ZNF24: variants seen among roughly 807,000 people sequenced by gnomAD.
The protein encoded by ZNF24 is zinc finger protein 24.
In ZNF24, 11 loss-of-function variants were observed where a neutral mutation model predicts 40.9. The observed-to-expected ratio is 0.27, with a 90% CI of 0.17 to 0.45. ZNF24 has a LOEUF of 0.45. ZNF24 is among the 20% of genes least tolerant of loss of function. The probability of loss-of-function intolerance (pLI) is 1.00; values close to 1 mark genes in which losing one functional copy is unlikely to be tolerated. For missense variants in ZNF24, 293 were observed against 437.7 expected (o/e 0.67, Z 2.95); for synonymous variants, 139 against 154.7 (o/e 0.90, Z 0.75).
intron 1 of ZNF24, chr18:35,343,676 G>T (rs1044786467): frequency 6.6e-6 from 1 of 152,172 alleles, no homozygotes; most frequent in Non-Finnish European, 1.5e-5. Context: ...CCTATTCCAA[G>T]ACCCTGCTTA....
chr18:35,337,689 C>T lies in ZNF24; in HGVS notation c.650G>A (p.Gly217Asp). The change falls in exon 4 of 4, where the codon GGC (glycine) becomes GAC (aspartate). Residue 217 changes from glycine (G) to aspartate (D), a missense_variant. Physicochemically the swap from Gly to Asp is moderately conservative, Grantham distance 94. Coordinates refer to ENST00000261332, the MANE Select transcript of ZNF24 (RefSeq NM_006965.4). ...PSALESHEVP[G>D]TLNMGVPQIF... ...TTGAGGAACACCCATATTGAGAGTG[C>T]CAGGAACTTCATGGGATTCTAATGC... is the stretch of plus-strand genomic sequence containing the variant. 6.2e-7 allele frequency: 1 copy of T among 1,613,082 alleles called. No homozygotes were observed. Among genetic ancestry groups the T allele is most frequent in the Non-Finnish European group, 8.5e-7 (1 of 1,179,874 alleles).
At position 35,337,212 on chromosome 18, in the gene ZNF24, C is replaced by CA. The variant is rs1569102199; in HGVS notation, c.*19_*20insT. ...GAAGAAAAAGACCTGAGTGCTGATT[C>CA]TTTTTTTTTTTTCAATTTCTTAAAC... is the stretch of plus-strand genomic sequence containing the variant. On this transcript the variant is annotated 3_prime_UTR_variant, in exon 4 of 4. Coordinates refer to ENST00000261332, the MANE Select transcript of ZNF24 (RefSeq NM_006965.4). 1.4e-6 allele frequency: 1 copy of CA among 698,690 alleles called. No individual in the cohort carries two copies. 43.3% of individuals were successfully genotyped at this position (698,690 alleles called of 1,614,324 possible).
At chr18:35,344,332 C>G (rs963645607) in intron 1 of ZNF24, 28 bp downstream of exon 1, 1 of 152,328 alleles carries the variant, frequency 6.6e-6, no homozygotes, top group East Asian at 1.9e-4. Flanking sequence ...CGGTGTCCCC[C>G]CTCCCTCTCA....
At chr18:35,343,004 A>G (rs1486240825) in intron 1 of ZNF24, among the ~76,000 whole-genome samples, 1 of 152,208 alleles carries the variant, frequency 6.6e-6, no homozygotes, top group Non-Finnish European at 1.5e-5. Flanking sequence ...CCTGACACAC[A>G]CAAGTCAACT....
rs981355448 is a variant in ZNF24, at chr18:35,333,013, C to T, written c.*4219G>A. On this transcript the variant is annotated 3_prime_UTR_variant, in exon 4 of 4. Coordinates refer to ENST00000261332, the MANE Select transcript of ZNF24 (RefSeq NM_006965.4). ...GGTTATATGGGGAAATGAACATTCT[C>T]CATACACTTGGTGAAAATACAGTTA... is the stretch of plus-strand genomic sequence containing the variant. 2.6e-5 allele frequency: 4 copies of T among 152,054 alleles called. No individual in the cohort carries two copies. The highest frequency in any genetic ancestry group is 9.7e-5 in the African/African-American group (4 of 41,406). The allele number at this position is 152,054 out of a possible 1,614,324, so 9.4% of individuals were successfully genotyped here.
In ZNF24 at chr18:35,336,080, A is replaced by G. The variant is rs1481048071; in HGVS notation, c.*1152T>C. Reference sequence around the variant, plus strand: ...ACCTCCCCTGAGGAATGCTCAGACAAGGGGAAGAGGCTAACTCACATAAAA... The same window carrying G: ...ACCTCCCCTGAGGAATGCTCAGACAGGGGGAAGAGGCTAACTCACATAAAA... On this transcript the variant is annotated 3_prime_UTR_variant, in exon 4 of 4. Transcript: ENST00000261332. 6.6e-6 allele frequency: 1 copy of G among 152,650 alleles called. No homozygotes were observed. Among genetic ancestry groups the G allele is most frequent in the Non-Finnish European group, 1.5e-5 (1 of 68,058 alleles). 9.5% of individuals were successfully genotyped at this position (152,650 alleles called of 1,614,324 possible). A position where few individuals can be genotyped will look rare whatever the true frequency, so the allele number is the denominator to read the frequency against.
rs1203192590 is a variant in ZNF24, at chr18:35,333,881, T to A, written c.*3351A>T. The A allele has an allele frequency of 6.6e-6, 1 of 152,142 alleles. No homozygotes were observed. Among genetic ancestry groups the A allele is most frequent in the Non-Finnish European group, 1.5e-5 (1 of 68,016 alleles). 9.4% of individuals were successfully genotyped at this position (152,142 alleles called of 1,614,324 possible). ...GGGGATTAAATAAATTACAGAATAT[T>A]CATGCAATGGAATAGTATATAGTTA... On this transcript the variant is annotated 3_prime_UTR_variant, in exon 4 of 4. Coordinates refer to ENST00000261332, the MANE Select transcript of ZNF24 (RefSeq NM_006965.4).
Position 35,332,976 on chromosome 18 carries a change from A to C in ZNF24, c.*4256T>G, listed in dbSNP as rs900144258. On this transcript the variant is annotated 3_prime_UTR_variant, in exon 4 of 4. Transcript: ENST00000261332. ...TTTCGCCCAACAGATAAAAACTATCAAGTGTAGGTATGGTTATATGGGGAA... is the reference window on the plus strand; with the variant it reads ...TTTCGCCCAACAGATAAAAACTATCCAGTGTAGGTATGGTTATATGGGGAA... The C allele has an allele frequency of 3.3e-5, 5 of 152,184 alleles. No individual in the cohort carries two copies. Among genetic ancestry groups the C allele is most frequent in the Non-Finnish European group, 5.9e-5 (4 of 68,028 alleles). The allele number at this position is 152,184 out of a possible 1,614,324, so 9.4% of individuals were successfully genotyped here.
rs1336392455 is a variant in ZNF24 at position 35,335,512 on chromosome 18, T to C, written c.*1720A>G. On this transcript the variant is annotated 3_prime_UTR_variant, in exon 4 of 4. Coordinates refer to ENST00000261332, the MANE Select transcript of ZNF24 (RefSeq NM_006965.4). The stretch of plus-strand genomic sequence containing the variant: ...GGCTCATGCAAAATCTCACCTTCCA[T>C]TTTTAAACTTGATCCAAGCACCAGA... The C allele has an allele frequency of 6.6e-6, 1 of 152,134 alleles. No individual in the cohort carries two copies. Among genetic ancestry groups the C allele is most frequent in the African/African-American group, 2.4e-5 (1 of 41,420 alleles). 9.4% of individuals were successfully genotyped at this position (152,134 alleles called of 1,614,324 possible).
At chr18:35,341,768 C>CA (rs1377220357) in intron 1 of ZNF24, among the ~76,000 whole-genome samples, 3 of 152,110 alleles carry the variant, frequency 2.0e-5, no homozygotes, top group Non-Finnish European at 4.4e-5. Flanking sequence ...CCTGTAATCC[C>CA]AGCACTATAG....
intron 1 of ZNF24, among the ~76,000 whole-genome samples, chr18:35,342,321 A>T (rs944834071): frequency 2.0e-5 from 3 of 152,188 alleles, no homozygotes; most frequent in Non-Finnish European, 2.9e-5. Flanking sequence ...AAAATGTAAA[A>T]GTTTGTAAGT....
At chr18:35,341,178 A>C (rs1316005343) in intron 1 of ZNF24, among the ~76,000 whole-genome samples, 1 of 152,208 alleles carries the variant, frequency 6.6e-6, no homozygotes, top group Non-Finnish European at 1.5e-5. Flanking sequence ...GCCTAAAAAA[A>C]ACCCAACACA....
At chr18:35,341,327 C>A (rs1201395092) in intron 1 of ZNF24, among the ~76,000 whole-genome samples, 3 of 152,298 alleles carry the variant, frequency 2.0e-5, no homozygotes, top group African/African-American at 7.2e-5. Flanking sequence ...ACATTACTCA[C>A]ATGTTTGTGG....
chr18:35,341,653 T>C (rs1199152474), intron 1 of ZNF24, among the ~76,000 whole-genome samples: 1 of 152,130 alleles, frequency 6.6e-6, no homozygotes, highest in Non-Finnish European at 1.5e-5. Context: ...GCAATGATAC[T>C]GATAATCCAG....
chr18:35,339,740 T>A, intron 3 of ZNF24, 89 bp downstream of exon 3: 1 of 1,190,584 alleles, frequency 8.4e-7, no homozygotes, highest in South Asian at 2.2e-5. Context: ...AGTGATATGA[T>A]CCCCCCACCA....
rs2044885717 is a variant in ZNF24 at position 35,334,443 on chromosome 18, C to T, written c.*2789G>A. On this transcript the variant is annotated 3_prime_UTR_variant, in exon 4 of 4. Coordinates refer to ENST00000261332, the MANE Select transcript of ZNF24 (RefSeq NM_006965.4). ...GCCTAGCATGCAGATTATTTCAGTA[C>T]ATGTAACCCTCCCTTCAATTTACAT... 6.6e-6 allele frequency: 1 copy of T among 152,130 alleles called. No individual in the cohort carries two copies. Among genetic ancestry groups the T allele is most frequent in the Non-Finnish European group, 1.5e-5 (1 of 68,020 alleles). 9.4% of individuals were successfully genotyped at this position (152,130 alleles called of 1,614,324 possible).
At chr18:35,342,736 T>G (rs1370845203) in intron 1 of ZNF24, 3 of 152,266 alleles carry the variant, frequency 2.0e-5, no homozygotes, top group African/African-American at 7.2e-5. Context: ...TTTAGGTTTG[T>G]GCAAGTACAT....
In ZNF24 at chr18:35,337,180, C is replaced by G. The variant is rs1025695531; in HGVS notation, c.*52G>C. ...CATTTCATATTTTAAATTTTGTCTT[C>G]ATTTCTGAAGAAAAAGACCTGAGTG... is the stretch of plus-strand genomic sequence containing the variant. On this transcript the variant is annotated 3_prime_UTR_variant, in exon 4 of 4. Coordinates refer to ENST00000261332, the MANE Select transcript of ZNF24 (RefSeq NM_006965.4). 7 of 1,366,000 alleles carry G rather than the reference C, an allele frequency of 5.1e-6. No homozygotes were observed. The East Asian group carries it at 1.4e-4, about 28-fold the overall frequency. 84.6% of individuals were successfully genotyped at this position (1,366,000 alleles called of 1,614,324 possible). A position where few individuals can be genotyped will look rare whatever the true frequency, so the allele number is the denominator to read the frequency against.
intron 1 of ZNF24, among the ~76,000 whole-genome samples, chr18:35,343,452 T>G (rs374354538): frequency 1.3e-5 from 2 of 152,196 alleles, no homozygotes; most frequent in African/African-American, 2.4e-5. Context: ...TGCTGTTGTT[T>G]ACGACACATA....
Sources: gnomAD v4.1 joint callset for allele counts (sites outside exome capture counted in the v4.1 genomes callset) on GRCh38, gnomAD v4.1.1 for gene constraint, MANE v1.5 for transcripts, NCBI Gene and HGNC (gene_info 2026-07-23, HGNC 2026-07-21) for gene names.